Variants in KYAT3 observed in about 807,000 individuals in gnomAD.
KYAT3 encodes the protein kynurenine aminotransferase 3, also known as kynurenine--oxoglutarate transaminase 3.
In KYAT3, 50 loss-of-function variants were observed where a neutral mutation model predicts 59.0. The observed-to-expected ratio is 0.85, with a 90% CI of 0.68 to 1.07. The LOEUF (loss-of-function observed/expected upper bound fraction) is 1.07, where lower values mean the gene tolerates loss of function less well. Among genes scored for constraint, KYAT3 ranks in the 50% least tolerant of loss-of-function variants. The pLI is 0.00. For missense variants in KYAT3, 497 were observed against 533.3 expected (o/e 0.93, Z 0.67); for synonymous variants, 148 against 177.0 (o/e 0.84, Z 1.30).
intron 11 of KYAT3, among the ~76,000 whole-genome samples, chr1:88,944,066 A>G (rs904197317): frequency 1.3e-4 from 20 of 152,212 alleles, no homozygotes; most frequent in Admixed American, 9.8e-4. Flanking sequence ...AGTCAAATAT[A>G]TACTCCTGTT....
At chr1:88,975,121 G>A (rs12065833) in intron 2 of KYAT3, among the ~76,000 whole-genome samples, 63,921 of 151,996 alleles carry the variant, frequency 0.42, 14,276 homozygotes, top group Non-Finnish European at 0.49. Flanking sequence ...TGAAGTCAGC[G>A]AGACCACGAA....
chr1:88,925,947 C>T, the KYAT3 span, among the ~76,000 whole-genome samples: 102 of 152,150 alleles, frequency 6.7e-4, no homozygotes, highest in Non-Finnish European at 1.1e-3. Context: ...TAAATAAGGG[C>T]GTAGCCGAAA....
Position 88,968,833 on chromosome 1 carries a change from C to G in KYAT3, c.159-19G>C. 6.5e-7 allele frequency: 1 copy of G among 1,544,044 alleles called. No homozygotes were observed. Among genetic ancestry groups the G allele is most frequent in the Non-Finnish European group, 8.7e-7 (1 of 1,147,008 alleles). Reference sequence around the variant, plus strand: ...TTCAATCCTAAGATTGAAAAAAATACTAATATTAATAAGTTCTACAATTAT... The same window carrying G: ...TTCAATCCTAAGATTGAAAAAAATAGTAATATTAATAAGTTCTACAATTAT... On this transcript the variant is annotated intron_variant, in intron 3 of 13. Transcript: ENST00000260508.
intron 2 of KYAT3, among the ~76,000 whole-genome samples, chr1:88,985,859 T>C (rs1677419230): frequency 6.6e-6 from 1 of 152,184 alleles, no homozygotes; most frequent in African/African-American, 2.4e-5. Flanking sequence ...ATGGACTAAA[T>C]GTACAAAAGG....
intron 4 of KYAT3, among the ~76,000 whole-genome samples, chr1:88,965,267 T>C (rs182578466): frequency 3.0e-4 from 45 of 152,316 alleles, no homozygotes; most frequent in Middle Eastern, 3.4e-3. Flanking sequence ...AAATCAACCA[T>C]TTGTATTTTT....
chr1:88,940,817 C>A (rs1675208683), intron 13 of KYAT3, among the ~76,000 whole-genome samples: 1 of 152,062 alleles, frequency 6.6e-6, no homozygotes, highest in African/African-American at 2.4e-5. Flanking sequence ...CTCCATCATG[C>A]CAAACGGTCT....
chr1:88,978,061 G>GTATGTATATAATATATACACATATGTATA (rs975095217), intron 2 of KYAT3, among the ~76,000 whole-genome samples: 4 of 151,826 alleles, frequency 2.6e-5, no homozygotes, highest in Non-Finnish European at 4.4e-5. Flanking sequence ...ATATAGATAT[G>GTATGTATATAATATATACACATATGTATA]TATGTATATA....
chr1:88,942,390 C>T (rs4233335), intron 13 of KYAT3, among the ~76,000 whole-genome samples: 3 of 151,552 alleles, frequency 2.0e-5, no homozygotes, highest in Non-Finnish European at 4.4e-5. Flanking sequence ...ATCTGGGTCA[C>T]CTTTAGGCCT....
At chr1:88,987,424 A>G (rs1677529758) in intron 2 of KYAT3, among the ~76,000 whole-genome samples, 1 of 152,242 alleles carries the variant, frequency 6.6e-6, no homozygotes, top group South Asian at 2.1e-4. Flanking sequence ...GATGGTTTTT[A>G]TGAAAATTTT....
In KYAT3 at chr1:88,974,402, AT is replaced by A. The variant is rs1414013639; in HGVS notation, c.100-4936del. Among the ~76,000 whole-genome samples, 4 of 145,604 alleles carry A rather than the reference AT, an allele frequency of 2.7e-5. No homozygotes were observed. In the East Asian group the frequency reaches 7.9e-4, roughly 29 times the overall value. On this transcript the variant is annotated intron_variant, in intron 2 of 13. Coordinates refer to ENST00000260508, the MANE Select transcript of KYAT3 (RefSeq NM_001008661.3). ...TTTTTGTGCCATATTTTACTCATTCATTCCCCTGTTGCTGGGCATGTTATTT... is the reference window on the plus strand; with the variant it reads ...TTTTTGTGCCATATTTTACTCATTCATCCCCTGTTGCTGGGCATGTTATTT...
intron 8 of KYAT3, among the ~76,000 whole-genome samples, chr1:88,956,498 G>T (rs1675922293): frequency 6.6e-6 from 1 of 152,144 alleles, no homozygotes; most frequent in Non-Finnish European, 1.5e-5. Context: ...AACCAAAAAT[G>T]AATAAGATGC....
At chr1:88,990,129 T>C (rs1326027642) in intron 1 of KYAT3, among the ~76,000 whole-genome samples, 1 of 152,140 alleles carries the variant, frequency 6.6e-6, no homozygotes, top group Non-Finnish European at 1.5e-5. Flanking sequence ...TCCTTCCCAG[T>C]ATAATAAAGG....
the KYAT3 span, among the ~76,000 whole-genome samples, chr1:88,923,137 G>T: frequency 1.3e-5 from 2 of 152,170 alleles, no homozygotes; most frequent in Admixed American, 1.3e-4. Context: ...CCATTTATTA[G>T]ATTCAAAACC....
At chr1:88,956,370 G>A (rs1675916024) in intron 8 of KYAT3, among the ~76,000 whole-genome samples, 1 of 152,154 alleles carries the variant, frequency 6.6e-6, no homozygotes, top group South Asian at 2.1e-4. Context: ...CAAGAATAAT[G>A]TGAATTGGCT....
chr1:88,958,424 A>C (rs973120098), intron 8 of KYAT3, among the ~76,000 whole-genome samples: 1 of 151,940 alleles, frequency 6.6e-6, no homozygotes, highest in Non-Finnish European at 1.5e-5. Context: ...TTTGTAAAAA[A>C]AAAAAAAAAA....
At chr1:88,974,355 T>C (rs1676676384) in intron 2 of KYAT3, among the ~76,000 whole-genome samples, 1 of 152,212 alleles carries the variant, frequency 6.6e-6, no homozygotes, top group Non-Finnish European at 1.5e-5. Context: ...TCACTTTTAA[T>C]TACAACGTAT....
chr1:88,962,710 G>T (rs866247308), intron 5 of KYAT3, among the ~76,000 whole-genome samples: 2 of 152,108 alleles, frequency 1.3e-5, no homozygotes, highest in African/African-American at 4.8e-5. Context: ...TGTTGCCCAG[G>T]CTGGTCTCAA....
chr1:88,936,883 C>T (rs1376429267), intron 13 of KYAT3, among the ~76,000 whole-genome samples: 5 of 152,182 alleles, frequency 3.3e-5, no homozygotes, highest in Non-Finnish European at 7.3e-5. Context: ...ATGATTCAGT[C>T]TGAAAGCCAA....
chr1:88,947,102 CTG>C (rs919297233), intron 11 of KYAT3, among the ~76,000 whole-genome samples: 33 of 152,298 alleles, frequency 2.2e-4, no homozygotes, highest in African/African-American at 7.5e-4. Flanking sequence ...GAGCACCTCA[CTG>C]TGGTACAGCT....
Sources: allele counts gnomAD v4.1 joint callset (sites outside exome capture counted in the v4.1 genomes callset), GRCh38; gene constraint gnomAD v4.1.1; transcripts MANE v1.5; gene names NCBI Gene and HGNC (gene_info 2026-07-23, HGNC 2026-07-21).